The following DCDC2 variants were observed in gnomAD, a reference collection of about 807,000 sequenced individuals.
The protein encoded by DCDC2 is doublecortin domain-containing protein 2.
A neutral mutation model predicts 50.2 loss-of-function variants in DCDC2; 40 were observed. The observed-to-expected ratio is 0.80, with a 90% CI of 0.62 to 1.04. The LOEUF (loss-of-function observed/expected upper bound fraction) is 1.04. Ranked by LOEUF, DCDC2 falls within the 50% of genes least tolerant of loss-of-function variation. The pLI, the probability that DCDC2 is intolerant of heterozygous loss-of-function variation, is 0.00. For missense variants in DCDC2, 570 were observed against 581.9 expected, an observed-to-expected ratio of 0.98 and a Z score of 0.21; for synonymous variants, 234 against 210.6, an observed-to-expected ratio of 1.11 and a Z score of -0.96.
At chr6:24,215,817 G>A (rs911124914) in intron 7 of DCDC2, among the ~76,000 whole-genome samples, 13 of 152,198 alleles carry the variant, frequency 8.5e-5, no homozygotes, top group African/African-American at 2.7e-4. Context: ...TCTGCACACC[G>A]CAGGTCCTGG....
chr6:24,242,616 C>T (rs150170333), intron 7 of DCDC2, among the ~76,000 whole-genome samples: 21 of 152,304 alleles, frequency 1.4e-4, no homozygotes, highest in Non-Finnish European at 2.6e-4. Flanking sequence ...CGAGGACAGA[C>T]TGTCACAGAG....
chr6:24,377,667 A>C, the DCDC2 span, among the ~76,000 whole-genome samples: 3 of 152,208 alleles, frequency 2.0e-5, no homozygotes, highest in Non-Finnish European at 4.4e-5. Context: ...CCTTATCCAT[A>C]AAACTGGCAT....
chr6:24,222,765 A>G (rs1027770878), intron 7 of DCDC2, among the ~76,000 whole-genome samples: 1 of 152,250 alleles, frequency 6.6e-6, no homozygotes, highest in Non-Finnish European at 1.5e-5. Flanking sequence ...TAACAATAGC[A>G]TATCCATAAG....
At chr6:24,191,258 C>T (rs780139818) in intron 8 of DCDC2, among the ~76,000 whole-genome samples, 1 of 152,156 alleles carries the variant, frequency 6.6e-6, no homozygotes, top group East Asian at 1.9e-4. Flanking sequence ...TTAACTTTCA[C>T]AAGAGGAGCT....
At chr6:24,221,585 C>T (rs1283700137) in intron 7 of DCDC2, among the ~76,000 whole-genome samples, 1 of 152,206 alleles carries the variant, frequency 6.6e-6, no homozygotes, top group Non-Finnish European at 1.5e-5. Flanking sequence ...TCTTCACACA[C>T]AACATGGTCA....
intron 2 of DCDC2, among the ~76,000 whole-genome samples, chr6:24,313,179 A>T (rs1367534989): frequency 6.6e-6 from 1 of 152,178 alleles, no homozygotes; most frequent in African/African-American, 2.4e-5. Flanking sequence ...TTATTCTAAA[A>T]ATAATTATTT....
chr6:24,309,635 T>TA (rs1221505737), intron 2 of DCDC2, among the ~76,000 whole-genome samples: 4 of 151,984 alleles, frequency 2.6e-5, no homozygotes, highest in East Asian at 1.9e-4. Context: ...AATCTGTTCA[T>TA]AAAAAAGACA....
intron 7 of DCDC2, among the ~76,000 whole-genome samples, chr6:24,237,868 T>C (rs1259726975): frequency 2.6e-5 from 4 of 151,410 alleles, no homozygotes; most frequent in Non-Finnish European, 5.9e-5. Flanking sequence ...GAGCTGAACA[T>C]TGAGTATGCA....
At chr6:24,294,006 ATC>A (rs2113832948) in intron 4 of DCDC2, among the ~76,000 whole-genome samples, 2 of 152,306 alleles carry the variant, frequency 1.3e-5, no homozygotes, top group South Asian at 4.1e-4. Context: ...ACATACCAGA[ATC>A]TCTGAGACAT....
rs151280602 is a variant in DCDC2, at chr6:24,217,336, A to G, written c.923-12234T>C. ...GACTGGATATGTGTTTTCAAAAGTT[A>G]TTGATCCCAATTATTACCGAGTAAC... On this transcript the variant is annotated intron_variant, in intron 7 of 9. Coordinates refer to ENST00000378454, the MANE Select transcript of DCDC2 (RefSeq NM_016356.5). Among the ~76,000 whole-genome samples the G allele has an allele frequency of 2.0e-3, 298 of 152,344 alleles. 1 individual carries two copies. The highest frequency in any genetic ancestry group is 0.012 in the Admixed American group (176 of 15,298).
rs985319044 is a variant in DCDC2, at chr6:24,268,824, G to A, written c.922+9225C>T. Among the ~76,000 whole-genome samples the A allele has an allele frequency of 3.3e-5, 5 of 152,200 alleles. No homozygotes were observed. In the South Asian group the frequency reaches 6.2e-4, roughly 19 times the overall value. Reference sequence around the variant, plus strand: ...CGACCTCAGGTGATCCACCCATCTCGGCCTCCCAAAGTGCTGGGATTACAG... The same window carrying A: ...CGACCTCAGGTGATCCACCCATCTCAGCCTCCCAAAGTGCTGGGATTACAG... On this transcript the variant is annotated intron_variant, in intron 7 of 9. Transcript: ENST00000378454.
intron 7 of DCDC2, among the ~76,000 whole-genome samples, chr6:24,206,971 C>T (rs1210526351): frequency 6.6e-6 from 1 of 151,918 alleles, no homozygotes; most frequent in Non-Finnish European, 1.5e-5. Flanking sequence ...GAAAGGAATT[C>T]ATAAGAATAA....
At chr6:24,378,463 T>C in the DCDC2 span, among the ~76,000 whole-genome samples, 1 of 152,082 alleles carries the variant, frequency 6.6e-6, no homozygotes, top group Non-Finnish European at 1.5e-5. Flanking sequence ...TGTGAGAGTA[T>C]GAAAGCCCAG....
At chr6:24,343,458 T>C (rs1760199255) in intron 2 of DCDC2, among the ~76,000 whole-genome samples, 1 of 152,204 alleles carries the variant, frequency 6.6e-6, no homozygotes, top group South Asian at 2.1e-4. Flanking sequence ...TTAGACACAT[T>C]TTTCTATTAT....
Position 24,288,856 on chromosome 6 carries a change from C to G in DCDC2, c.755G>C (p.Gly252Ala), listed in dbSNP as rs1190155886. ...AGGAAAGCATCTGATACTTACACTCCCTTTAGACTTTCTGGATCCTACAAT... is the reference window on the plus strand; with the variant it reads ...AGGAAAGCATCTGATACTTACACTCGCTTTAGACTTTCTGGATCCTACAAT... ...PPIVGSRKSK[G>A]SGNDRHSKST... is the part of the protein sequence containing the mutation. Residue 252 changes from glycine to alanine, a missense_variant, in exon 6 of 10, where the codon GGG (glycine) becomes GCG (alanine). By Grantham distance (60) the Gly-to-Ala change is moderately conservative. Coordinates refer to ENST00000378454, the MANE Select transcript of DCDC2 (RefSeq NM_016356.5). The G allele has an allele frequency of 6.2e-7, 1 of 1,611,214 alleles. No individual in the cohort carries two copies. The highest frequency in any genetic ancestry group is 1.3e-5 in the African/African-American group (1 of 74,876).
At chr6:24,187,623 A>T (rs1399811025) in intron 8 of DCDC2, among the ~76,000 whole-genome samples, 1 of 152,224 alleles carries the variant, frequency 6.6e-6, no homozygotes, top group African/African-American at 2.4e-5. Flanking sequence ...GGCACTATGG[A>T]GGTCTTCTGG....
intron 7 of DCDC2, among the ~76,000 whole-genome samples, chr6:24,218,260 C>G (rs983402172): frequency 9.9e-5 from 15 of 152,218 alleles, no homozygotes; most frequent in Admixed American, 3.3e-4. Context: ...TAAAATAGTA[C>G]TATTTATTAC....
At chr6:24,372,311 C>A in the DCDC2 span, among the ~76,000 whole-genome samples, 1 of 151,602 alleles carries the variant, frequency 6.6e-6, no homozygotes, top group South Asian at 2.1e-4. Flanking sequence ...CCCAGCTACT[C>A]GGGAGGCTGA....
At position 24,327,463 on chromosome 6, in the gene DCDC2, T is replaced by TATTTATTTATTTA. The variant is rs1759890755; in HGVS notation, c.349-25432_349-25420dup. Among the ~76,000 whole-genome samples, 2 of 135,874 alleles carry TATTTATTTATTTA rather than the reference T, an allele frequency of 1.5e-5. 1 individual carries two copies. The highest frequency in any genetic ancestry group is 3.1e-5 in the Non-Finnish European group (2 of 64,344). 89.1% of individuals were successfully genotyped at this position (135,874 alleles called of 152,430 possible). ...AATCAACATTATAAACTTATTTATT[T>TATTTATTTATTTA]ATTTATTTATTTATTTATTTATTGG... On this transcript the variant is annotated intron_variant, in intron 2 of 9. Transcript: ENST00000378454.
Sources: gnomAD v4.1 joint callset for allele counts (sites outside exome capture counted in the v4.1 genomes callset) on GRCh38, gnomAD v4.1.1 for gene constraint, MANE v1.5 for transcripts, NCBI Gene and HGNC (gene_info 2026-07-23, HGNC 2026-07-21) for gene names.